WNT9B: variants seen among roughly 807,000 people sequenced by gnomAD.
WNT9B encodes protein Wnt-9b.
WNT9B carries 12 observed loss-of-function variants against 30.2 expected under a neutral mutation model. The ratio of observed to expected loss-of-function variants is 0.40; its 90% CI spans 0.26 to 0.64. The LOEUF (loss-of-function observed/expected upper bound fraction) is 0.64. Among genes scored for constraint, WNT9B ranks in the 30% least tolerant of loss-of-function variants. The pLI is 0.42. For synonymous variants in WNT9B, 218 were observed against 216.9 expected (o/e 1.01, Z -0.05); for missense variants, 442 against 485.2 (o/e 0.91, Z 0.84).
At chr17:46,850,661 A>G (rs935869403), upstream of WNT9B, among the ~76,000 whole-genome samples, 1 of 152,184 alleles carries the variant, frequency 6.6e-6, no homozygotes, top group African/African-American at 2.4e-5. Context: ...CATTGGTTGT[A>G]TGTCTCCTTT....
rs964559494 is a variant in WNT9B, at chr17:46,880,404, C to T, written c.*3686C>T. Among the ~76,000 whole-genome samples the T allele has an allele frequency of 5.9e-5, 9 of 152,216 alleles. No individual in the cohort carries two copies. Among genetic ancestry groups the T allele is most frequent in the African/African-American group, 2.2e-4 (9 of 41,448 alleles). ...TGAGCACCCCTTATGTCCATTTATT[C>T]AACCAATGATTATTTAGGGATCTCT... is the stretch of plus-strand genomic sequence containing the variant. On this transcript the variant is annotated 3_prime_UTR_variant, in exon 4 of 4. Transcript: ENST00000290015.
chr17:46,866,930 C>T lies in WNT9B; in HGVS notation c.78-5587C>T, dbSNP rs1384702164. Among the ~76,000 whole-genome samples, 4 of 152,198 alleles carry T rather than the reference C, an allele frequency of 2.6e-5. No individual in the cohort carries two copies. In the South Asian group the frequency reaches 8.3e-4, roughly 32 times the overall value. On this transcript the variant is annotated intron_variant, in intron 1 of 3. Coordinates refer to ENST00000290015, the MANE Select transcript of WNT9B (RefSeq NM_003396.3). ...AAGCTCTCCACCAACCTGGTCTTCC[C>T]CAAACAGCCTGGAGTGCTCCCTGAG...
At chr17:46,835,987 A>G (rs774677456) in intron 1 of WNT9B, among the ~76,000 whole-genome samples, 2 of 151,930 alleles carry the variant, frequency 1.3e-5, no homozygotes, top group African/African-American at 2.4e-5. Flanking sequence ...GAGACCCTGG[A>G]CCTTAAAGTT....
At chr17:46,884,306 A>G (rs2085462768), downstream of WNT9B, among the ~76,000 whole-genome samples, 1 of 152,120 alleles carries the variant, frequency 6.6e-6, no homozygotes, top group South Asian at 2.1e-4. Flanking sequence ...CATTTCTGAA[A>G]TTGCTTTCTC....
At chr17:46,850,905 ATTT>A, upstream of WNT9B, among the ~76,000 whole-genome samples, 1 of 152,072 alleles carries the variant, frequency 6.6e-6, no homozygotes, top group African/African-American at 2.4e-5. Flanking sequence ...CATCAGCAGC[ATTT>A]TGTCAAAAGC....
intron 1 of WNT9B, among the ~76,000 whole-genome samples, chr17:46,841,986 C>G (rs961423504): frequency 4.6e-5 from 7 of 152,190 alleles, no homozygotes; most frequent in Non-Finnish European, 1.0e-4. Flanking sequence ...CGCTGACCGG[C>G]AGGGGGCGCT....
chr17:46,859,824 A>G (rs999221541), intron 1 of WNT9B, among the ~76,000 whole-genome samples: 21 of 152,174 alleles, frequency 1.4e-4, no homozygotes, highest in African/African-American at 4.8e-4. Context: ...TGATTTGCAC[A>G]CAGGCCATAT....
chr17:46,860,638 C>A (rs78923359), intron 1 of WNT9B, among the ~76,000 whole-genome samples: 3,722 of 152,184 alleles, frequency 0.024, 155 homozygotes, highest in African/African-American at 0.086. Context: ...ATAAGGATTC[C>A]AAGAAATCTA....
upstream of WNT9B, among the ~76,000 whole-genome samples, chr17:46,849,960 G>C (rs2084821775): frequency 6.6e-6 from 1 of 151,096 alleles, no homozygotes; most frequent in Non-Finnish European, 1.5e-5. Context: ...CGATTCTCTT[G>C]TCTCAGCCTC....
At chr17:46,837,684 C>T (rs559052326) in intron 1 of WNT9B, among the ~76,000 whole-genome samples, 1 of 152,220 alleles carries the variant, frequency 6.6e-6, no homozygotes, top group African/African-American at 2.4e-5. Flanking sequence ...TGGTGATGCC[C>T]CTGCTGGGAA....
chr17:46,878,290 T>C lies in WNT9B; in HGVS notation c.*1572T>C, dbSNP rs538530416. 6.6e-6 allele frequency among the ~76,000 whole-genome samples: 1 copy of C among 152,166 alleles called. No individual in the cohort carries two copies. Among genetic ancestry groups the C allele is most frequent in the Non-Finnish European group, 1.5e-5 (1 of 68,020 alleles). On this transcript the variant is annotated 3_prime_UTR_variant, in exon 4 of 4. Transcript: ENST00000290015. The stretch of plus-strand genomic sequence containing the variant: ...CTGACCCTTCACCAACACAGGAAAT[T>C]TCAGAATCAGCTGAATGCTCAGAAA...
chr17:46,882,958 C>G (rs953818850), downstream of WNT9B, among the ~76,000 whole-genome samples: 2 of 152,060 alleles, frequency 1.3e-5, no homozygotes, highest in Non-Finnish European at 2.9e-5. Context: ...CTGGGCAACC[C>G]CAGGGGTCCA....
chr17:46,851,067 AG>A (rs1211794227), upstream of WNT9B, among the ~76,000 whole-genome samples: 4 of 152,184 alleles, frequency 2.6e-5, no homozygotes, highest in East Asian at 7.7e-4. The surrounding 1 kb of genome is among the most constrained non-coding windows in gnomAD (Gnocchi z 4.3). Flanking sequence ...CCCCGCTTCC[AG>A]AGAGCGGTTC....
At chr17:46,836,562 T>C (rs2084635215) in intron 1 of WNT9B, among the ~76,000 whole-genome samples, 1 of 152,250 alleles carries the variant, frequency 6.6e-6, no homozygotes, top group African/African-American at 2.4e-5. Flanking sequence ...CATTGTAATG[T>C]CAATTTCTGA....
At chr17:46,882,735 G>A (rs537453755), downstream of WNT9B, among the ~76,000 whole-genome samples, 4 of 152,248 alleles carry the variant, frequency 2.6e-5, no homozygotes, top group East Asian at 7.7e-4. Context: ...CAGCAAACAC[G>A]GATTGGTGGC....
chr17:46,869,546 G>A (rs1223292575), intron 1 of WNT9B, among the ~76,000 whole-genome samples: 1 of 152,242 alleles, frequency 6.6e-6, no homozygotes, highest in African/African-American at 2.4e-5. Context: ...CCAGATGCCT[G>A]TTGAATGAGT....
At chr17:46,867,432 T>C (rs773410467) in intron 1 of WNT9B, among the ~76,000 whole-genome samples, 1 of 152,200 alleles carries the variant, frequency 6.6e-6, no homozygotes, top group Non-Finnish European at 1.5e-5. Flanking sequence ...ATGAGCTCAG[T>C]TGGTGAGGGG....
chr17:46,853,358 A>G (rs1598839469), intron 1 of WNT9B, among the ~76,000 whole-genome samples: 1 of 129,484 alleles, frequency 7.7e-6, no homozygotes, highest in East Asian at 2.7e-4. Flanking sequence ...AACTAATGCT[A>G]GTGACTTTTT....
chr17:46,882,935 C>T (rs146211969), downstream of WNT9B, among the ~76,000 whole-genome samples: 7 of 152,240 alleles, frequency 4.6e-5, no homozygotes, highest in African/African-American at 1.7e-4. Flanking sequence ...AGGCCATTTC[C>T]TCATACTCCC....
Sources: allele counts gnomAD v4.1 joint callset (sites outside exome capture counted in the v4.1 genomes callset), GRCh38; gene constraint gnomAD v4.1.1; non-coding constraint Gnocchi (gnomAD v3.1); transcripts MANE v1.5; gene names NCBI Gene and HGNC (gene_info 2026-07-23, HGNC 2026-07-21).